The following CELF2 variants were observed in gnomAD, a reference collection of about 807,000 sequenced individuals.
CELF2 encodes the protein CUG triplet repeat RNA-binding protein 2.
A neutral mutation model predicts 62.6 loss-of-function variants in CELF2; 8 were observed. The ratio of observed to expected loss-of-function variants is 0.13; its 90% CI spans 0.07 to 0.23. CELF2 has a LOEUF of 0.23. Ranked by LOEUF, CELF2 falls within the 10% of genes least tolerant of loss-of-function variation. The pLI is 1.00. For synonymous variants in CELF2, 258 were observed against 250.0 expected (o/e 1.03, Z -0.30); for missense variants, 333 against 671.0 (o/e 0.50, Z 5.56).
the CELF2 span, among the ~76,000 whole-genome samples, chr10:10,732,939 GAA>G: frequency 2.0e-5 from 3 of 152,284 alleles, no homozygotes; most frequent in African/African-American, 4.8e-5. Flanking sequence ...TCCCCAGGAA[GAA>G]AAAGAGGATG....
chr10:10,524,266 G>A, the CELF2 span, among the ~76,000 whole-genome samples: 8 of 152,054 alleles, frequency 5.3e-5, no homozygotes, highest in Non-Finnish European at 1.2e-4. Context: ...ATGTTTCTAA[G>A]AGGGCAAAGC....
At chr10:10,812,981 T>A (rs1303719203) in intron 1 of CELF2, among the ~76,000 whole-genome samples, 1 of 152,212 alleles carries the variant, frequency 6.6e-6, no homozygotes, top group Admixed American at 6.5e-5. Flanking sequence ...GTATGATCGA[T>A]GTAAGATAGA....
chr10:10,475,342 C>A, the CELF2 span, among the ~76,000 whole-genome samples: 26 of 152,102 alleles, frequency 1.7e-4, no homozygotes, highest in South Asian at 4.2e-3. Context: ...AACTTTGACC[C>A]AGGACCCTTT....
chr10:11,162,808 C>G (rs12416397), intron 1 of CELF2, among the ~76,000 whole-genome samples: 1 of 151,976 alleles, frequency 6.6e-6, no homozygotes, highest in African/African-American at 2.4e-5. Flanking sequence ...TAGGAATAGC[C>G]GACACTGAGA....
At chr10:10,463,707 GTC>G in the CELF2 span, among the ~76,000 whole-genome samples, 1 of 152,260 alleles carries the variant, frequency 6.6e-6, no homozygotes, top group East Asian at 1.9e-4. Flanking sequence ...TTGTCAATGA[GTC>G]TGCTTGGATT....
In CELF2 at chr10:11,306,768, A is replaced by G. The variant is rs746530997; in HGVS notation, c.977-7371A>G. On this transcript the variant is annotated intron_variant, in intron 9 of 12. Coordinates refer to ENST00000633077, the MANE Select transcript of CELF2 (RefSeq NM_001326342.2). The surrounding 1 kb of genome is among the most constrained non-coding windows in gnomAD (Gnocchi z 4.4). ...CCTCCTTTTCTTCACCGTCTCCCCA[A>G]CTTTCTACTGGGACCGTCTAAGAAC... Among the ~76,000 whole-genome samples the G allele has an allele frequency of 2.6e-5, 4 of 151,978 alleles. No individual in the cohort carries two copies. The highest frequency in any genetic ancestry group is 2.1e-4 in the South Asian group (1 of 4,818).
the CELF2 span, among the ~76,000 whole-genome samples, chr10:10,628,657 A>G: frequency 6.6e-6 from 1 of 152,158 alleles, no homozygotes; most frequent in Admixed American, 6.5e-5. Context: ...TCCATGGTGT[A>G]TATGTGCCAC....
chr10:11,281,089 T>C (rs2088495681), intron 8 of CELF2, among the ~76,000 whole-genome samples: 1 of 151,936 alleles, frequency 6.6e-6, no homozygotes, highest in Non-Finnish European at 1.5e-5. Context: ...AGCTCTCATT[T>C]CTTCCTGATG....
At chr10:11,326,330 A>G (rs750521628) in intron 12 of CELF2, among the ~76,000 whole-genome samples, 4 of 152,246 alleles carry the variant, frequency 2.6e-5, no homozygotes, top group Non-Finnish European at 4.4e-5. Context: ...ATACACGCAC[A>G]CAAAGACACT....
the CELF2 span, among the ~76,000 whole-genome samples, chr10:10,667,816 T>C: frequency 1.3e-5 from 2 of 152,186 alleles, no homozygotes; most frequent in Non-Finnish European, 2.9e-5. Context: ...GTCCATGCCA[T>C]TTTCCAGCCA....
At chr10:10,589,196 C>T in the CELF2 span, among the ~76,000 whole-genome samples, 17 of 152,272 alleles carry the variant, frequency 1.1e-4, no homozygotes, top group African/African-American at 3.9e-4. Flanking sequence ...AGATTTTCCG[C>T]TGGGCAATTT....
chr10:10,511,930 A>T, the CELF2 span, among the ~76,000 whole-genome samples: 1 of 152,150 alleles, frequency 6.6e-6, no homozygotes, highest in African/African-American at 2.4e-5. Context: ...TGCAAACATG[A>T]TATCTGTTTC....
chr10:10,909,163 G>A (rs1248495442), intron 1 of CELF2, among the ~76,000 whole-genome samples: 3 of 152,202 alleles, frequency 2.0e-5, no homozygotes, highest in Non-Finnish European at 4.4e-5. Flanking sequence ...GTAGGTTGGA[G>A]GTAGGCCCAG....
At chr10:10,520,675 G>A in the CELF2 span, among the ~76,000 whole-genome samples, 6 of 152,056 alleles carry the variant, frequency 3.9e-5, no homozygotes, top group African/African-American at 7.2e-5. Context: ...TGCAACCAGC[G>A]AGAGAAACAA....
chr10:11,005,237 G>A, upstream of CELF2: 2 of 1,493,758 alleles, frequency 1.3e-6, no homozygotes, highest in Non-Finnish European at 1.8e-6. This position sits in a 1 kb window ranked among gnomAD's most constrained non-coding sequence, Gnocchi z 4.3. Flanking sequence ...GGAAGAGAGT[G>A]GGAAGACAGA....
the CELF2 span, among the ~76,000 whole-genome samples, chr10:10,615,841 A>C: frequency 6.6e-6 from 1 of 152,112 alleles, no homozygotes; most frequent in Non-Finnish European, 1.5e-5. Context: ...TCTTTTCTTT[A>C]AAAATTACCC....
the CELF2 span, among the ~76,000 whole-genome samples, chr10:10,675,162 A>G: frequency 6.6e-6 from 1 of 152,162 alleles, no homozygotes; most frequent in East Asian, 1.9e-4. Flanking sequence ...TATCCCTTGC[A>G]AGACAGATCT....
chr10:10,913,891 A>AAGAAGGG (rs2064075463), intron 1 of CELF2, among the ~76,000 whole-genome samples: 3 of 102,824 alleles, frequency 2.9e-5, no homozygotes, highest in African/African-American at 1.3e-4. Flanking sequence ...AGGAAGAAGG[A>AAGAAGGG]AGGGAGGGAG....
In CELF2 at chr10:11,336,124, G is replaced by C. The variant is rs984000671; in HGVS notation, c.*7071G>C. 2 of 152,690 alleles carry C rather than the reference G, an allele frequency of 1.3e-5. No homozygotes were observed. Among genetic ancestry groups the C allele is most frequent in the African/African-American group, 2.4e-5 (1 of 41,446 alleles). The allele number at this position is 152,690 out of a possible 1,614,324, so 9.5% of individuals were successfully genotyped here. On this transcript the variant is annotated 3_prime_UTR_variant, in exon 13 of 13. Coordinates refer to ENST00000633077, the MANE Select transcript of CELF2 (RefSeq NM_001326342.2). The surrounding 1 kb of genome is among the most constrained non-coding windows in gnomAD (Gnocchi z 5.4). ...ACACGCTGCCCAGCCCACAGCAGTC[G>C]CACGCAGCCGATGGGCTCGGACTCT...
Sources: gnomAD v4.1 joint callset for allele counts (sites outside exome capture counted in the v4.1 genomes callset) on GRCh38, gnomAD v4.1.1 for gene constraint, Gnocchi (gnomAD v3.1) non-coding constraint, MANE v1.5 for transcripts, NCBI Gene and HGNC (gene_info 2026-07-23, HGNC 2026-07-21) for gene names.